Variants in RALYL observed in about 807,000 individuals in gnomAD.
RALYL encodes the protein RNA-binding Raly-like protein.
Under a neutral mutation model 35.1 loss-of-function variants are expected in RALYL, and 29 were observed. That is an observed-to-expected ratio of 0.83 (90% confidence interval 0.61 to 1.13). The LOEUF (loss-of-function observed/expected upper bound fraction) is 1.13. RALYL is among the 50% of genes most tolerant of loss of function. The pLI, the probability that RALYL is intolerant of heterozygous loss-of-function variation, is 0.00. For missense variants in RALYL, 359 were observed against 360.4 expected (o/e 1.00, Z 0.03); for synonymous variants, 120 against 127.6 (o/e 0.94, Z 0.40).
At chr8:84,387,468 A>G (rs1433426472) in intron 1 of RALYL, among the ~76,000 whole-genome samples, 2 of 151,912 alleles carry the variant, frequency 1.3e-5, no homozygotes, top group African/African-American at 2.4e-5. Context: ...TACTTAATTC[A>G]GGTAAACTTC....
At chr8:84,763,123 T>G (rs1813081347) in intron 2 of RALYL, among the ~76,000 whole-genome samples, 2 of 152,092 alleles carry the variant, frequency 1.3e-5, no homozygotes, top group African/African-American at 4.8e-5. Context: ...ATACCTCACA[T>G]AGCAGCCTCG....
chr8:84,511,417 T>A (rs2134417144), intron 1 of RALYL, among the ~76,000 whole-genome samples: 1 of 152,332 alleles, frequency 6.6e-6, no homozygotes, highest in East Asian at 1.9e-4. Context: ...ATTCTCTTAT[T>A]TTTTATTTAT....
At chr8:84,345,154 T>C (rs1318429792) in intron 1 of RALYL, among the ~76,000 whole-genome samples, 1 of 151,674 alleles carries the variant, frequency 6.6e-6, no homozygotes, top group East Asian at 1.9e-4. Flanking sequence ...CCATACTATT[T>C]TACACTCTCA....
intron 1 of RALYL, among the ~76,000 whole-genome samples, chr8:84,295,961 A>G (rs1283620506): frequency 1.3e-5 from 2 of 152,104 alleles, no homozygotes; most frequent in Admixed American, 1.3e-4. Flanking sequence ...GGGAAAAGCT[A>G]CTGAGTTGGG....
At chr8:84,698,964 T>C (rs1173545420) in intron 2 of RALYL, among the ~76,000 whole-genome samples, 1 of 151,950 alleles carries the variant, frequency 6.6e-6, no homozygotes, top group Non-Finnish European at 1.5e-5. Flanking sequence ...GCTAGGAAGC[T>C]TTACCACTCA....
At chr8:84,330,415 A>G (rs2130683662) in intron 1 of RALYL, among the ~76,000 whole-genome samples, 1 of 152,094 alleles carries the variant, frequency 6.6e-6, no homozygotes. Flanking sequence ...AAGGGCATAA[A>G]GATTCATGCA....
At chr8:84,378,776 A>C in intron 1 of RALYL, among the ~76,000 whole-genome samples, 1 of 151,868 alleles carries the variant, frequency 6.6e-6, no homozygotes, top group East Asian at 1.9e-4. Flanking sequence ...GCATTGAATA[A>C]AGCCCCTCTT....
intron 1 of RALYL, among the ~76,000 whole-genome samples, chr8:84,442,055 C>G (rs1022191467): frequency 6.6e-6 from 1 of 152,000 alleles, no homozygotes; most frequent in Non-Finnish European, 1.5e-5. Flanking sequence ...GGGAATATCA[C>G]TGAACATTTG....
chr8:84,451,008 C>T (rs762857267), intron 1 of RALYL, among the ~76,000 whole-genome samples: 1 of 151,900 alleles, frequency 6.6e-6, no homozygotes, highest in Non-Finnish European at 1.5e-5. Context: ...CATTCCCAAC[C>T]AATTTGGTGT....
intron 4 of RALYL, among the ~76,000 whole-genome samples, chr8:84,821,183 A>G (rs1388063741): frequency 4.6e-5 from 7 of 152,202 alleles, no homozygotes; most frequent in Admixed American, 3.3e-4. Flanking sequence ...CAGTTTAAAC[A>G]GCATTTATTT....
chr8:84,230,365 G>A (rs1825033942), intron 1 of RALYL, among the ~76,000 whole-genome samples: 1 of 151,996 alleles, frequency 6.6e-6, no homozygotes. Flanking sequence ...GAGAATTTTT[G>A]AGGATGATAC....
intron 1 of RALYL, among the ~76,000 whole-genome samples, chr8:84,304,354 T>C (rs1306035371): frequency 6.6e-6 from 1 of 152,136 alleles, no homozygotes; most frequent in Non-Finnish European, 1.5e-5. Flanking sequence ...CCTGACCTCG[T>C]GATCTGCCCG....
chr8:84,691,192 T>G lies in RALYL; in HGVS notation c.257-83387T>G, dbSNP rs1458835673. Among the ~76,000 whole-genome samples, 4 of 152,076 alleles carry G rather than the reference T, an allele frequency of 2.6e-5. No individual in the cohort carries two copies. In the East Asian group the frequency reaches 7.7e-4, roughly 29 times the overall value. On this transcript the variant is annotated intron_variant, in intron 2 of 8. Coordinates refer to ENST00000521268, the MANE Select transcript of RALYL (RefSeq NM_173848.7). ...AAACATTTTGTATTGTTTGTCAGGA[T>G]AACTTTATATGGGATCTAGAAATGA...
intron 1 of RALYL, among the ~76,000 whole-genome samples, chr8:84,236,347 A>G (rs1457838371): frequency 2.6e-5 from 4 of 152,146 alleles, no homozygotes; most frequent in Non-Finnish European, 4.4e-5. Context: ...TGAATTGTGT[A>G]AGAATAAAGT....
intron 4 of RALYL, among the ~76,000 whole-genome samples, chr8:84,848,415 GTATA>G (rs201197372): frequency 6.9e-6 from 1 of 144,676 alleles, no homozygotes. Context: ...ATATGTGTGT[GTATA>G]TATATATGTG....
chr8:84,566,112 T>A (rs1307543144), intron 2 of RALYL, among the ~76,000 whole-genome samples: 1 of 151,550 alleles, frequency 6.6e-6, no homozygotes, highest in East Asian at 1.9e-4. Context: ...GCCATTAGAC[T>A]GTAGGTCATT....
At chr8:84,461,331 C>T (rs2050746294) in intron 1 of RALYL, among the ~76,000 whole-genome samples, 2 of 151,544 alleles carry the variant, frequency 1.3e-5, no homozygotes. Flanking sequence ...AATGCATTCA[C>T]TCATCTAAAT....
At chr8:84,328,845 G>A (rs1029232447) in intron 1 of RALYL, among the ~76,000 whole-genome samples, 2 of 152,172 alleles carry the variant, frequency 1.3e-5, no homozygotes, top group Non-Finnish European at 2.9e-5. Flanking sequence ...ACTTACAAGT[G>A]AGAACATGGA....
intron 2 of RALYL, among the ~76,000 whole-genome samples, chr8:84,661,186 C>T (rs1023508252): frequency 1.2e-4 from 19 of 152,064 alleles, no homozygotes; most frequent in African/African-American, 4.1e-4. Context: ...CCTCGGCCTC[C>T]CAAAGTGCTG....
Sources: gnomAD v4.1 joint callset for allele counts (sites outside exome capture counted in the v4.1 genomes callset) on GRCh38, gnomAD v4.1.1 for gene constraint, MANE v1.5 for transcripts, NCBI Gene and HGNC (gene_info 2026-07-23, HGNC 2026-07-21) for gene names.